Variants in COL25A1 observed in about 807,000 individuals in gnomAD.
COL25A1 encodes the protein collagen type XXV alpha 1 chain, also known as collagen alpha-1(XXV) chain.
A neutral mutation model predicts 128.4 loss-of-function variants in COL25A1; 103 were observed. That is an observed-to-expected ratio of 0.80 (90% CI 0.68 to 0.94). The LOEUF is 0.94. COL25A1 is among the 40% of genes least tolerant of loss of function. COL25A1 has a pLI of 0.00. For synonymous variants in COL25A1, 279 were observed against 277.2 expected (o/e 1.01, Z -0.06); for missense variants, 745 against 840.0 (o/e 0.89, Z 1.40).
intron 23 of COL25A1, among the ~76,000 whole-genome samples, 154 bp downstream of exon 23, chr4:108,860,773 G>A (rs955501462): frequency 2.0e-5 from 3 of 152,052 alleles, no homozygotes; most frequent in African/African-American, 4.8e-5. Flanking sequence ...AAATAAAGGA[G>A]GTAGGGGTGT....
At chr4:109,271,925 T>C (rs1782225261) in intron 3 of COL25A1, among the ~76,000 whole-genome samples, 1 of 152,188 alleles carries the variant, frequency 6.6e-6, no homozygotes, top group South Asian at 2.1e-4. Context: ...ATAAAGTGCA[T>C]TTTTGTAAAT....
intron 5 of COL25A1, among the ~76,000 whole-genome samples, chr4:109,032,918 G>A (rs543254718): frequency 1.3e-5 from 2 of 152,196 alleles, no homozygotes; most frequent in Non-Finnish European, 2.9e-5. Context: ...GTCCCGCCTG[G>A]AGCATGGCTG....
At chr4:109,043,937 GCA>G (rs1760170344) in intron 5 of COL25A1, among the ~76,000 whole-genome samples, 1 of 152,064 alleles carries the variant, frequency 6.6e-6, no homozygotes, top group South Asian at 2.1e-4. Flanking sequence ...CAAAGCACAT[GCA>G]CAGAGTCCAT....
At chr4:109,059,024 T>A (rs1277454717) in intron 3 of COL25A1, among the ~76,000 whole-genome samples, 1 of 151,996 alleles carries the variant, frequency 6.6e-6, no homozygotes, top group Non-Finnish European at 1.5e-5. Context: ...ACTAAAACAA[T>A]TAGTGCAGGA....
intron 3 of COL25A1, among the ~76,000 whole-genome samples, chr4:109,074,096 G>T (rs1007133057): frequency 6.6e-6 from 1 of 152,122 alleles, no homozygotes; most frequent in African/African-American, 2.4e-5. Context: ...TTAGATTCTC[G>T]TAAGGAGCAT....
At chr4:108,932,682 A>T (rs1398924048) in intron 11 of COL25A1, among the ~76,000 whole-genome samples, 1 of 152,232 alleles carries the variant, frequency 6.6e-6, no homozygotes. Context: ...GCAATTTGGT[A>T]TATTTTTTTC....
chr4:109,242,666 AATAG>A (rs1281002246), intron 3 of COL25A1, among the ~76,000 whole-genome samples: 8 of 152,108 alleles, frequency 5.3e-5, no homozygotes, highest in Non-Finnish European at 8.8e-5. Context: ...CTTTTATAAA[AATAG>A]ATAGAAGTGA....
At chr4:109,008,791 C>T (rs890041719) in intron 6 of COL25A1, among the ~76,000 whole-genome samples, 12 of 151,952 alleles carry the variant, frequency 7.9e-5, no homozygotes, top group East Asian at 1.9e-4. Context: ...GATAATAATA[C>T]TTTCCAAGGC....
intron 3 of COL25A1, among the ~76,000 whole-genome samples, chr4:109,142,483 T>C (rs913310421): frequency 6.6e-6 from 1 of 152,168 alleles, no homozygotes; most frequent in African/African-American, 2.4e-5. Flanking sequence ...GTTAATTTTC[T>C]GTCTCGTTAA....
rs1730857876 is a variant in COL25A1 at position 108,812,303 on chromosome 4, A to G, written c.*1624T>C. Reference sequence around the variant, plus strand: ...AAACATTTAGAAATGTTAAAAAGAGAAAGAAATCTAAATATAGACAAAACT... The same window carrying G: ...AAACATTTAGAAATGTTAAAAAGAGGAAGAAATCTAAATATAGACAAAACT... On this transcript the variant is annotated 3_prime_UTR_variant, in exon 38 of 38. Coordinates refer to ENST00000399132, the MANE Select transcript of COL25A1 (RefSeq NM_198721.4). 1 of 152,222 alleles carries G rather than the reference A, an allele frequency of 6.6e-6. No homozygotes were observed. The highest frequency in any genetic ancestry group is 1.5e-5 in the Non-Finnish European group (1 of 68,036). 9.4% of individuals were successfully genotyped at this position (152,222 alleles called of 1,614,324 possible).
rs138461306 is a variant in COL25A1 at position 109,216,096 on chromosome 4, T to C, written c.367+84487A>G. ...TTTTATTGATCTTTGTAAAAATTAT[T>C]CTCAAAGATGTTCTATATGTTAAAT... On this transcript the variant is annotated intron_variant, in intron 3 of 37. Transcript: ENST00000399132. Among the ~76,000 whole-genome samples, 54 of 152,220 alleles carry C rather than the reference T, an allele frequency of 3.5e-4. 1 individual carries two copies. The highest frequency in any genetic ancestry group is 1.3e-3 in the African/African-American group (52 of 41,546).
Position 109,301,855 on chromosome 4 carries a change from T to C in COL25A1, c.165A>G (p.Lys55=). ...AVVSCLYLGV[K]TNDLQARIAA... is the part of the protein sequence containing the mutation. ...CGATCCTCGCCTGGAGGTCGTTGGT[T>C]TTCACACCCAGGTACAGGCAAGACA... is the stretch of plus-strand genomic sequence containing the variant. Residue 55 remains lysine (K), a synonymous_variant, in exon 2 of 38, where the codon AAA becomes AAG. Transcript: ENST00000399132. 6.2e-7 allele frequency: 1 copy of C among 1,614,074 alleles called. No individual in the cohort carries two copies.
chr4:109,233,985 A>G (rs1017794614), intron 3 of COL25A1, among the ~76,000 whole-genome samples: 1 of 152,142 alleles, frequency 6.6e-6, no homozygotes, highest in East Asian at 1.9e-4. Flanking sequence ...TCAGCTTCAA[A>G]TATTCTGCTT....
chr4:109,103,457 C>T (rs1457888442), intron 3 of COL25A1, among the ~76,000 whole-genome samples: 3 of 152,090 alleles, frequency 2.0e-5, no homozygotes, highest in Non-Finnish European at 2.9e-5. Context: ...AAATTTATTT[C>T]CCACTTGCTT....
chr4:109,095,940 T>C (rs1053618279), intron 3 of COL25A1, among the ~76,000 whole-genome samples: 1 of 152,158 alleles, frequency 6.6e-6, no homozygotes, highest in Non-Finnish European at 1.5e-5. Context: ...ATTTGGTCTT[T>C]GCACACTCAA....
In COL25A1 at chr4:109,211,865, T is replaced by C. The variant is rs144761011; in HGVS notation, c.367+88718A>G. Among the ~76,000 whole-genome samples, 412 of 152,214 alleles carry C rather than the reference T, an allele frequency of 2.7e-3. 1 individual carries two copies. The highest frequency in any genetic ancestry group is 0.018 in the South Asian group (87 of 4,830). Reference sequence around the variant, plus strand: ...GGCAACCATGTTGACCAATGTGTAATATTATTTCACAATGCCTCGACCTGA... The same window carrying C: ...GGCAACCATGTTGACCAATGTGTAACATTATTTCACAATGCCTCGACCTGA... On this transcript the variant is annotated intron_variant, in intron 3 of 37. Coordinates refer to ENST00000399132, the MANE Select transcript of COL25A1 (RefSeq NM_198721.4).
intron 3 of COL25A1, among the ~76,000 whole-genome samples, chr4:109,090,423 T>A (rs907760777): frequency 7.2e-5 from 11 of 152,180 alleles, no homozygotes; most frequent in African/African-American, 2.7e-4. Context: ...GAGGAGAGTA[T>A]CTGTCATCAG....
intron 3 of COL25A1, among the ~76,000 whole-genome samples, chr4:109,071,215 A>C (rs1762944495): frequency 6.6e-6 from 1 of 152,204 alleles, no homozygotes; most frequent in African/African-American, 2.4e-5. Context: ...CCTATTTAAT[A>C]AATGGTGCTG....
At chr4:109,016,999 G>A (rs1210182289) in intron 5 of COL25A1, among the ~76,000 whole-genome samples, 2 of 152,218 alleles carry the variant, frequency 1.3e-5, no homozygotes, top group African/African-American at 4.8e-5. Flanking sequence ...AAGAAGAGCT[G>A]TGGCCCTTCA....
Sources: gnomAD v4.1 joint callset for allele counts (sites outside exome capture counted in the v4.1 genomes callset) on GRCh38, gnomAD v4.1.1 for gene constraint, MANE v1.5 for transcripts, NCBI Gene and HGNC (gene_info 2026-07-23, HGNC 2026-07-21) for gene names.